TSHZ2: variants seen among roughly 807,000 people sequenced by gnomAD.
TSHZ2 encodes teashirt homolog 2.
TSHZ2 carries 21 observed loss-of-function variants against 74.4 expected under a neutral mutation model. That is an observed-to-expected ratio of 0.28 (90% confidence interval 0.20 to 0.41). The LOEUF is 0.41. TSHZ2 is among the 10% of genes least tolerant of loss of function. The probability of loss-of-function intolerance (pLI) is 1.00; values close to 1 mark genes in which losing one functional copy is unlikely to be tolerated. For synonymous variants in TSHZ2, 540 were observed against 515.3 expected (o/e 1.05, Z -0.65); for missense variants, 1,244 against 1,293.5 (o/e 0.96, Z 0.59).
intron 1 of TSHZ2, among the ~76,000 whole-genome samples, chr20:53,170,715 T>C (rs992225228): frequency 1.3e-5 from 2 of 152,224 alleles, no homozygotes; most frequent in Non-Finnish European, 2.9e-5. Flanking sequence ...CTAATCATAA[T>C]GCTGAGCTTA....
At chr20:53,199,244 TC>T (rs747805713) in intron 1 of TSHZ2, among the ~76,000 whole-genome samples, 74 of 152,202 alleles carry the variant, frequency 4.9e-4, no homozygotes, top group Non-Finnish European at 8.8e-5. Flanking sequence ...GTTCCTGTAA[TC>T]CCAGCACTTT....
At chr20:53,191,473 G>A (rs937768745) in intron 1 of TSHZ2, among the ~76,000 whole-genome samples, 4 of 152,160 alleles carry the variant, frequency 2.6e-5, no homozygotes, top group African/African-American at 9.7e-5. Context: ...AACCAGCCTG[G>A]GCAACATGGT....
intron 2 of TSHZ2, among the ~76,000 whole-genome samples, chr20:53,449,941 T>C (rs1296443683): frequency 6.6e-6 from 1 of 152,240 alleles, no homozygotes; most frequent in Non-Finnish European, 1.5e-5. Context: ...GATTTTAAGT[T>C]TGTTCTCTAA....
chr20:53,105,075 A>G (rs142010000), intron 1 of TSHZ2, among the ~76,000 whole-genome samples: 125 of 152,340 alleles, frequency 8.2e-4, no homozygotes, highest in African/African-American at 3.0e-3. Context: ...TCCTAGATGC[A>G]GTAGTCAAAA....
At chr20:53,260,933 A>T (rs1350903835) in intron 2 of TSHZ2, among the ~76,000 whole-genome samples, 2 of 152,356 alleles carry the variant, frequency 1.3e-5, no homozygotes, top group South Asian at 4.1e-4. Context: ...GATAACAATG[A>T]CAGTGAAACT....
intron 2 of TSHZ2, among the ~76,000 whole-genome samples, chr20:53,342,473 T>A (rs903146451): frequency 6.6e-6 from 1 of 152,174 alleles, no homozygotes. Context: ...AAGGGTTGAA[T>A]GGTAATTTGA....
chr20:53,148,679 A>G (rs1231869920), intron 1 of TSHZ2, among the ~76,000 whole-genome samples: 1 of 152,204 alleles, frequency 6.6e-6, no homozygotes, highest in African/African-American at 2.4e-5. Flanking sequence ...TAGAAAAAAT[A>G]TATAGATAAA....
intron 2 of TSHZ2, among the ~76,000 whole-genome samples, chr20:53,280,693 G>T (rs544547862): frequency 6.8e-6 from 1 of 146,520 alleles, no homozygotes; most frequent in Admixed American, 7.0e-5. Flanking sequence ...GTGTGTGGGG[G>T]TTTTTTTGTG....
chr20:53,118,678 C>T (rs1182452106), intron 1 of TSHZ2, among the ~76,000 whole-genome samples: 1 of 152,092 alleles, frequency 6.6e-6, no homozygotes, highest in Non-Finnish European at 1.5e-5. Context: ...TGCTAGCAGC[C>T]TCTGGGGACA....
chr20:53,329,472 G>A (rs375468820), intron 2 of TSHZ2, among the ~76,000 whole-genome samples: 2 of 152,082 alleles, frequency 1.3e-5, no homozygotes, highest in South Asian at 2.1e-4. Flanking sequence ...ATTTAACTCC[G>A]GAAAGCCCTG....
intron 2 of TSHZ2, among the ~76,000 whole-genome samples, chr20:53,277,542 G>A (rs1273660414): frequency 6.6e-6 from 1 of 151,822 alleles, no homozygotes; most frequent in Non-Finnish European, 1.5e-5. Context: ...TTCAGAGGAT[G>A]TATGCCATCA....
chr20:53,357,508 A>T (rs79458401), intron 2 of TSHZ2, among the ~76,000 whole-genome samples: 41 of 147,348 alleles, frequency 2.8e-4, no homozygotes, highest in African/African-American at 7.3e-4. Flanking sequence ...CTATTTTATT[A>T]AAAAAAAAAT....
chr20:53,001,248 G>GTGTA (rs1982428762), intron 1 of TSHZ2, among the ~76,000 whole-genome samples: 1 of 146,806 alleles, frequency 6.8e-6, no homozygotes, highest in Non-Finnish European at 1.5e-5. Context: ...GTGTGTGTGT[G>GTGTA]TGTGTGTTTG....
chr20:53,356,064 C>T (rs1463363996), intron 2 of TSHZ2, among the ~76,000 whole-genome samples: 1 of 152,204 alleles, frequency 6.6e-6, no homozygotes, highest in Non-Finnish European at 1.5e-5. Flanking sequence ...TCACACAGGA[C>T]ATTGCATTGC....
chr20:53,001,106 C>T (rs1443450617), intron 1 of TSHZ2, among the ~76,000 whole-genome samples: 3 of 151,994 alleles, frequency 2.0e-5, no homozygotes, highest in Non-Finnish European at 4.4e-5. Flanking sequence ...GATGAAAACT[C>T]ACATTAAAAC....
chr20:53,272,718 G>A (rs1990865438), intron 2 of TSHZ2, among the ~76,000 whole-genome samples: 1 of 152,160 alleles, frequency 6.6e-6, no homozygotes, highest in Non-Finnish European at 1.5e-5. Flanking sequence ...GCCGTAGAAA[G>A]GACTAACACT....
At chr20:53,461,122 G>A (rs1407253320) in intron 2 of TSHZ2, among the ~76,000 whole-genome samples, 8 of 152,150 alleles carry the variant, frequency 5.3e-5, no homozygotes, top group Admixed American at 2.0e-4. Context: ...GGGCAATGGC[G>A]GGCGCCCCTC....
At chr20:53,195,915 C>G (rs2257) in intron 1 of TSHZ2, among the ~76,000 whole-genome samples, 56,522 of 151,946 alleles carry the variant, frequency 0.37, 11,187 homozygotes, top group East Asian at 0.58. Flanking sequence ...GACTTAGAAA[C>G]GGAGAGCCTG....
chr20:53,244,839 A>G (rs1196196325), intron 1 of TSHZ2, among the ~76,000 whole-genome samples: 1 of 152,228 alleles, frequency 6.6e-6, no homozygotes, highest in Non-Finnish European at 1.5e-5. Flanking sequence ...CCCGGCACAC[A>G]TACCACTGGC....
Sources: allele counts gnomAD v4.1 joint callset (sites outside exome capture counted in the v4.1 genomes callset), GRCh38; gene constraint gnomAD v4.1.1; transcripts MANE v1.5; gene names NCBI Gene and HGNC (gene_info 2026-07-23, HGNC 2026-07-21).